The following RYR3 variants were observed in gnomAD, a reference collection of about 807,000 sequenced individuals.
RYR3 encodes the protein ryanodine receptor 3.
RYR3 carries 207 observed loss-of-function variants against 584.3 expected under a neutral mutation model. That is an observed-to-expected ratio of 0.35 (90% CI 0.32 to 0.40). The LOEUF (loss-of-function observed/expected upper bound fraction) is 0.40, where lower values mean the gene tolerates loss of function less well. Ranked by LOEUF, RYR3 falls within the 10% of genes least tolerant of loss-of-function variation. The pLI is 1.00. For missense variants in RYR3, 5,616 were observed against 6,089.2 expected (o/e 0.92, Z 2.59); for synonymous variants, 2,416 against 2,248.5 (o/e 1.07, Z -2.11).
At chr15:33,585,489 T>C (rs1001002599) in intron 15 of RYR3, among the ~76,000 whole-genome samples, 1 of 152,180 alleles carries the variant, frequency 6.6e-6, no homozygotes. Flanking sequence ...GACTTTATTG[T>C]GTGAGCTTAC....
chr15:33,554,565 G>A (rs1595568297), intron 10 of RYR3, among the ~76,000 whole-genome samples: 1 of 152,058 alleles, frequency 6.6e-6, no homozygotes, highest in East Asian at 1.9e-4. Flanking sequence ...CAAAGTGCTG[G>A]GATTACAGGC....
chr15:33,443,024 C>T (rs567432158), intron 1 of RYR3, among the ~76,000 whole-genome samples: 2 of 152,236 alleles, frequency 1.3e-5, no homozygotes, highest in African/African-American at 4.8e-5. Context: ...TTGGGGAGGC[C>T]AAGGCGGGCA....
At chr15:33,469,429 G>A (rs2048745722) in intron 1 of RYR3, among the ~76,000 whole-genome samples, 1 of 152,076 alleles carries the variant, frequency 6.6e-6, no homozygotes, top group African/African-American at 2.4e-5. Context: ...TCTGGTAGCA[G>A]ACTAGGGAAG....
Position 33,647,443 on chromosome 15 carries a change from C to T in RYR3, c.3961C>T (p.Leu1321Phe). The change falls in exon 30 of 104, where the codon CTC becomes TTC. Residue 1321 changes from leucine to phenylalanine, a missense_variant. Coordinates refer to ENST00000634891, the MANE Select transcript of RYR3 (RefSeq NM_001036.6). Reference protein sequence around the residue: ...FQKRKQMQEILSHTTTQCYYA... With the variant: ...FQKRKQMQEIFSHTTTQCYYA... ...CCCCAGGAAACAGATGCAAGAAATACTCTCTCATACAACAACAGTAAGTAA... is the reference window on the plus strand; with the variant it reads ...CCCCAGGAAACAGATGCAAGAAATATTCTCTCATACAACAACAGTAAGTAA... 3 of 1,606,332 alleles carry T rather than the reference C, an allele frequency of 1.9e-6. No homozygotes were observed. The highest frequency in any genetic ancestry group is 2.6e-6 in the Non-Finnish European group (3 of 1,173,170).
chr15:33,577,812 A>C (rs1188656486), intron 12 of RYR3, among the ~76,000 whole-genome samples: 1 of 152,248 alleles, frequency 6.6e-6, no homozygotes, highest in Non-Finnish European at 1.5e-5. Flanking sequence ...CAAAGAAACT[A>C]TCATCAGAGT....
At chr15:33,786,520 A>G (rs751086652) in intron 66 of RYR3, among the ~76,000 whole-genome samples, 6 of 151,166 alleles carry the variant, frequency 4.0e-5, no homozygotes, top group Non-Finnish European at 5.9e-5. Flanking sequence ...AGTTACTTGC[A>G]CACAGCCAGC....
chr15:33,559,573 G>C (rs1298372369), intron 10 of RYR3, among the ~76,000 whole-genome samples: 1 of 152,130 alleles, frequency 6.6e-6, no homozygotes, highest in Non-Finnish European at 1.5e-5. Flanking sequence ...GGATTTGCTA[G>C]TTTGAGTGAT....
chr15:33,341,108 A>G (rs1209167378), intron 1 of RYR3, among the ~76,000 whole-genome samples: 2 of 152,152 alleles, frequency 1.3e-5, no homozygotes, highest in East Asian at 3.9e-4. Flanking sequence ...GTGTGATCTC[A>G]GCTCACTGCA....
chr15:33,394,516 CCT>C (rs2042187060), intron 1 of RYR3, among the ~76,000 whole-genome samples: 1 of 152,102 alleles, frequency 6.6e-6, no homozygotes, highest in Non-Finnish European at 1.5e-5. Flanking sequence ...TATGGAACAC[CCT>C]GTTTTCCATC....
chr15:33,679,654 G>C (rs1023842286), intron 38 of RYR3, among the ~76,000 whole-genome samples: 4 of 152,124 alleles, frequency 2.6e-5, no homozygotes, highest in Admixed American at 2.0e-4. Context: ...CTTGCCCAAG[G>C]TCACATAGCC....
intron 40 of RYR3, among the ~76,000 whole-genome samples, chr15:33,698,585 G>A (rs2066031485): frequency 1.3e-5 from 2 of 151,928 alleles, no homozygotes; most frequent in African/African-American, 2.4e-5. Context: ...ACAGGCAGTA[G>A]ATCGGGTATG....
At chr15:33,793,487 G>A (rs1464437813) in intron 67 of RYR3, among the ~76,000 whole-genome samples, 1 of 151,860 alleles carries the variant, frequency 6.6e-6, no homozygotes, top group African/African-American at 2.4e-5. Context: ...CCCATTCAAG[G>A]GTCACTTCAT....
At chr15:33,337,476 C>A (rs570307872) in intron 1 of RYR3, among the ~76,000 whole-genome samples, 1 of 152,230 alleles carries the variant, frequency 6.6e-6, no homozygotes, top group East Asian at 1.9e-4. Context: ...AAGAAACACT[C>A]CCAAATTAAT....
chr15:33,529,006 C>T (rs562980423), intron 3 of RYR3, among the ~76,000 whole-genome samples: 3 of 152,178 alleles, frequency 2.0e-5, no homozygotes, highest in Non-Finnish European at 4.4e-5. Flanking sequence ...AGGAGCCATC[C>T]ATTAACTTGT....
chr15:33,500,031 C>A (rs1460571660), intron 2 of RYR3, among the ~76,000 whole-genome samples: 1 of 152,204 alleles, frequency 6.6e-6, no homozygotes, highest in Non-Finnish European at 1.5e-5. Context: ...CACCACACTC[C>A]TGGATGATAG....
rs1042007059 is a variant in RYR3 at position 33,390,790 on chromosome 15, C to T, written c.51+79694C>T. Among the ~76,000 whole-genome samples, 27 of 152,096 alleles carry T rather than the reference C, an allele frequency of 1.8e-4. No individual in the cohort carries two copies. Among genetic ancestry groups the T allele is most frequent in the African/African-American group, 6.0e-4 (25 of 41,424 alleles). Reference sequence around the variant, plus strand: ...GCTAGTCAGAGGGTGCTTCTGTGACCATACCCCAATAAAAACCCTGGATGC... The same window carrying T: ...GCTAGTCAGAGGGTGCTTCTGTGACTATACCCCAATAAAAACCCTGGATGC... On this transcript the variant is annotated intron_variant, in intron 1 of 103. Coordinates refer to ENST00000634891, the MANE Select transcript of RYR3 (RefSeq NM_001036.6). The surrounding 1 kb of genome is among the most constrained non-coding windows in gnomAD (Gnocchi z 4.2).
At chr15:33,703,513 G>A (rs919915455) in intron 42 of RYR3, among the ~76,000 whole-genome samples, 44 of 152,140 alleles carry the variant, frequency 2.9e-4, no homozygotes, top group Non-Finnish European at 3.5e-4. Flanking sequence ...ACGTATCCTT[G>A]CTATCTCTCT....
intron 2 of RYR3, 92 bp from the exon 3 acceptor site, chr15:33,503,539 G>T (rs1435378186): frequency 4.1e-6 from 3 of 737,928 alleles, no homozygotes; most frequent in South Asian, 1.8e-5. Flanking sequence ...CTGTCATTTT[G>T]ATTCATAGGC....
intron 38 of RYR3, among the ~76,000 whole-genome samples, chr15:33,691,920 T>C (rs988097899): frequency 6.6e-6 from 1 of 152,238 alleles, no homozygotes; most frequent in Non-Finnish European, 1.5e-5. Context: ...AGTGCAATTA[T>C]CAACACGATG....
Sources: allele counts gnomAD v4.1 joint callset (sites outside exome capture counted in the v4.1 genomes callset), GRCh38; gene constraint gnomAD v4.1.1; non-coding constraint Gnocchi (gnomAD v3.1); transcripts MANE v1.5; gene names NCBI Gene and HGNC (gene_info 2026-07-23, HGNC 2026-07-21).